The following EFCAB3 variants were observed in gnomAD, a reference collection of about 807,000 sequenced individuals.
EFCAB3 encodes the protein EF-hand calcium-binding domain-containing protein 3.
In EFCAB3, 36 loss-of-function variants were observed where a neutral mutation model predicts 42.2. The ratio of observed to expected loss-of-function variants is 0.85; its 90% CI spans 0.65 to 1.13. The LOEUF (loss-of-function observed/expected upper bound fraction) is 1.13, where lower values mean the gene tolerates loss of function less well. Ranked by LOEUF, EFCAB3 falls within the 50% of genes most tolerant of loss-of-function variation. The pLI, the probability that EFCAB3 is intolerant of heterozygous loss-of-function variation, is 0.00. For synonymous variants in EFCAB3, 170 were observed against 172.8 expected (o/e 0.98, Z 0.13); for missense variants, 418 against 505.1 (o/e 0.83, Z 1.65).
chr17:62,403,409 A>T (rs4968522), intron 6 of EFCAB3, among the ~76,000 whole-genome samples: 140,118 of 152,218 alleles, frequency 0.92, 65,629 homozygotes, highest in East Asian at 1. Context: ...CTGTTTCCAT[A>T]TTTGCCATCT....
At chr17:62,372,959 G>A (rs746001899) in intron 1 of EFCAB3, among the ~76,000 whole-genome samples, 2 of 152,112 alleles carry the variant, frequency 1.3e-5, no homozygotes, top group Non-Finnish European at 2.9e-5. Flanking sequence ...ATTTCCTAAA[G>A]CACAGAAAAG....
chr17:62,388,209 T>A (rs1421303228), intron 3 of EFCAB3, among the ~76,000 whole-genome samples: 1 of 150,522 alleles, frequency 6.6e-6, no homozygotes, highest in Non-Finnish European at 1.5e-5. Context: ...AGACTACGTC[T>A]CGAAAAAAAA....
chr17:62,395,803 A>G (rs1375156786), intron 6 of EFCAB3, among the ~76,000 whole-genome samples: 1 of 152,170 alleles, frequency 6.6e-6, no homozygotes, highest in Admixed American at 6.5e-5. Flanking sequence ...TATTTTTATC[A>G]TTATCTTAAA....
At chr17:62,398,895 G>T (rs927453511) in intron 6 of EFCAB3, among the ~76,000 whole-genome samples, 23 of 152,128 alleles carry the variant, frequency 1.5e-4, no homozygotes, top group Admixed American at 1.1e-3. Flanking sequence ...GAATTTGATA[G>T]GTATTCACAT....
At chr17:62,415,119 CAAAAAAAAA>C (rs936844489) in intron 9 of EFCAB3, among the ~76,000 whole-genome samples, 24 of 126,014 alleles carry the variant, frequency 1.9e-4, no homozygotes, top group Middle Eastern at 7.0e-3. Context: ...CAAAAAAAAA[CAAAAAAAAA>C]CAAAAAAACC....
At position 62,407,190 on chromosome 17, in the gene EFCAB3, A is replaced by G. The variant is rs1240072324; in HGVS notation, c.845A>G (p.His282Arg). 4 of 1,589,204 alleles carry G rather than the reference A, an allele frequency of 2.5e-6. No individual in the cohort carries two copies. In the Admixed American group the frequency reaches 5.7e-5, roughly 23 times the overall value. The change falls in exon 8 of 10, where the codon CAT (histidine) becomes CGT (arginine). Residue 282 changes from histidine to arginine, a missense_variant. By Grantham distance (29) the His-to-Arg change is conservative. Transcript: ENST00000305286. ...CATTTCTTTGAGGATTATTTTTTCC[A>G]TAAAAGAGACTGGAAAACACAGGTG... ...PLHFFEDYFF[H>R]KRDWKTQAAN...
intron 3 of EFCAB3, 76 bp downstream of exon 3, chr17:62,387,492 CT>C (rs1376568682): frequency 7.8e-7 from 1 of 1,285,582 alleles, no homozygotes; most frequent in Non-Finnish European, 1.1e-6. Flanking sequence ...TAAGAAAGAT[CT>C]GAGATTTCAA....
chr17:62,390,060 AC>A (rs2070290206), intron 3 of EFCAB3, among the ~76,000 whole-genome samples: 1 of 152,158 alleles, frequency 6.6e-6, no homozygotes, highest in Non-Finnish European at 1.5e-5. Context: ...TGCTGGGATT[AC>A]AGGCATGAGC....
rs923801856 is a variant in EFCAB3, at chr17:62,371,637, C to T, written c.34+1315C>T. Among the ~76,000 whole-genome samples the T allele has an allele frequency of 5.9e-5, 9 of 152,176 alleles. No homozygotes were observed. The Middle Eastern group carries it at 0.01, about 173-fold the overall frequency. On this transcript the variant is annotated intron_variant, in intron 1 of 11. Transcript: ENST00000450662. ...AATACAACCAATATGCTAAGTTGTG[C>T]CTGATGGTATGATTCCAGCCTGAAA...
Position 62,395,133 on chromosome 17 carries a change from T to C in EFCAB3, c.433T>C (p.Ser145Pro). Reference sequence around the variant, plus strand: ...AGGAATCCTATTGTTTGAAATCCTATCAAGGCTTCTAGAGACTTCAGCCCT... The same window carrying C: ...AGGAATCCTATTGTTTGAAATCCTACCAAGGCTTCTAGAGACTTCAGCCCT... ...NPGILLFEIL[S>P]RLLETSALPR... The change falls in exon 6 of 10, where the codon TCA (serine) becomes CCA (proline). Residue 145 changes from serine (S) to proline (P), a missense_variant. Coordinates refer to ENST00000305286, the MANE Select transcript of EFCAB3 (RefSeq NM_173503.4). The C allele has an allele frequency of 6.2e-7, 1 of 1,614,110 alleles. No homozygotes were observed. Among genetic ancestry groups the C allele is most frequent in the Non-Finnish European group, 8.5e-7 (1 of 1,180,014 alleles).
intron 8 of EFCAB3, among the ~76,000 whole-genome samples, chr17:62,412,952 G>GA (rs1341839043): frequency 1.3e-5 from 2 of 151,922 alleles, no homozygotes; most frequent in Admixed American, 1.3e-4. Flanking sequence ...GGCATCTGAG[G>GA]AAAAAAATGA....
intron 9 of EFCAB3, among the ~76,000 whole-genome samples, chr17:62,414,722 A>T (rs1015419266): frequency 1.3e-5 from 2 of 152,190 alleles, no homozygotes; most frequent in African/African-American, 4.8e-5. Flanking sequence ...CACTGAAGCT[A>T]GAAAGCCAGG....
intron 3 of EFCAB3, among the ~76,000 whole-genome samples, chr17:62,390,565 A>G (rs2070294724): frequency 6.6e-6 from 1 of 152,206 alleles, no homozygotes; most frequent in Admixed American, 6.5e-5. Flanking sequence ...ATCTTTGTCT[A>G]TTTAGTGCAC....
exon 1 of EFCAB3, chr17:62,370,255 A>G: frequency 6.4e-7 from 1 of 1,551,264 alleles, no homozygotes; most frequent in African/African-American, 1.4e-5. Flanking sequence ...GACAATTTCT[A>G]GCAAGCGAAG....
chr17:62,386,414 A>G lies in EFCAB3; in HGVS notation c.75-926A>G, dbSNP rs1262257524. On this transcript the variant is annotated intron_variant, in intron 2 of 9. Transcript: ENST00000305286. ...TTATTTCACTCTCTTATACACCCAT[A>G]CATATGCTGGTAAAAATACAGTTTG... 2.6e-5 allele frequency among the ~76,000 whole-genome samples: 4 copies of G among 152,242 alleles called. No individual in the cohort carries two copies. The East Asian group carries it at 7.7e-4, about 29-fold the overall frequency.
chr17:62,394,192 A>G (rs1442932518), intron 5 of EFCAB3, among the ~76,000 whole-genome samples: 1 of 152,114 alleles, frequency 6.6e-6, no homozygotes, highest in Non-Finnish European at 1.5e-5. Flanking sequence ...TGAGCTCGTG[A>G]TCCACCCGCC....
intron 5 of EFCAB3, among the ~76,000 whole-genome samples, chr17:62,394,433 G>T (rs1320334062): frequency 2.0e-5 from 3 of 152,162 alleles, no homozygotes; most frequent in African/African-American, 7.2e-5. Flanking sequence ...TACCCTCAGT[G>T]CTAGGGCTGG....
At chr17:62,380,213 G>A (rs992500656), upstream of EFCAB3, among the ~76,000 whole-genome samples, 14 of 152,082 alleles carry the variant, frequency 9.2e-5, no homozygotes, top group African/African-American at 3.1e-4. Context: ...ATTTGGCCAG[G>A]CTGGTTTCAA....
intron 8 of EFCAB3, 95 bp downstream of exon 8, chr17:62,407,307 T>C: frequency 8.7e-7 from 1 of 1,155,290 alleles, no homozygotes; most frequent in Non-Finnish European, 1.2e-6. Context: ...CAAATAGTTT[T>C]AGTCATTATT....
Sources: gnomAD v4.1 joint callset for allele counts (sites outside exome capture counted in the v4.1 genomes callset) on GRCh38, gnomAD v4.1.1 for gene constraint, MANE v1.5 for transcripts, NCBI Gene and HGNC (gene_info 2026-07-23, HGNC 2026-07-21) for gene names.